INO80D: variants seen among roughly 807,000 people sequenced by gnomAD.
INO80D encodes INO80 complex subunit D.
Under a neutral mutation model 87.6 loss-of-function variants are expected in INO80D, and 21 were observed. That is an observed-to-expected ratio of 0.24 (90% CI 0.17 to 0.35). The LOEUF is 0.35. Ranked by LOEUF, INO80D falls within the 10% of genes least tolerant of loss-of-function variation. The pLI is 1.00. For missense variants in INO80D, 982 were observed against 1,280.7 expected, an observed-to-expected ratio of 0.77 and a Z score of 3.56; for synonymous variants, 440 against 491.0, an observed-to-expected ratio of 0.90 and a Z score of 1.37.
Position 206,062,757 on chromosome 2 carries a change from T to G in INO80D, c.218+42A>C. On this transcript the variant is annotated intron_variant, in intron 3 of 10. Coordinates refer to ENST00000403263, the MANE Select transcript of INO80D (RefSeq NM_017759.5). The surrounding 1 kb of genome is among the most constrained non-coding windows in gnomAD (Gnocchi z 4.6). ...ACAAGAAAAGAAAAAATTCCAAGCC[T>G]GTTAATGAAATCAAGGATTGATTCT... The G allele has an allele frequency of 6.6e-7, 1 of 1,512,150 alleles. No individual in the cohort carries two copies. The highest frequency in any genetic ancestry group is 8.9e-7 in the Non-Finnish European group (1 of 1,117,512). 93.7% of individuals were successfully genotyped at this position (1,512,150 alleles called of 1,614,324 possible).
Position 205,993,794 on chromosome 2 carries a change from AATAC to A in INO80D, c.*10570_*10573del, listed in dbSNP as rs980765587. 2.6e-5 allele frequency: 4 copies of A among 152,192 alleles called. No individual in the cohort carries two copies. Among genetic ancestry groups the A allele is most frequent in the African/African-American group, 7.2e-5 (3 of 41,456 alleles). 9.4% of individuals were successfully genotyped at this position (152,192 alleles called of 1,614,324 possible). A position where few individuals can be genotyped will look rare whatever the true frequency, so the allele number is the denominator to read the frequency against. On this transcript the variant is annotated 3_prime_UTR_variant, in exon 11 of 11. Coordinates refer to ENST00000403263, the MANE Select transcript of INO80D (RefSeq NM_017759.5). ...TGATTTTGTCACACTATATACAGATAATACATACAGTGTTTCATACACATATTAC... is the reference window on the plus strand; with the variant it reads ...TGATTTTGTCACACTATATACAGATAATACAGTGTTTCATACACATATTAC...
intron 3 of INO80D, among the ~76,000 whole-genome samples, chr2:206,060,591 G>A (rs970179576): frequency 1.4e-5 from 2 of 146,572 alleles, no homozygotes; most frequent in African/African-American, 5.0e-5. Flanking sequence ...ACGGAGTTTC[G>A]CTCTTGTTGC....
intron 1 of INO80D, among the ~76,000 whole-genome samples, chr2:206,084,074 CTTT>C (rs543296877): frequency 4.9e-5 from 7 of 143,544 alleles, no homozygotes; most frequent in African/African-American, 1.5e-4. Context: ...ATGTTTATCA[CTTT>C]TTTTTTTTTT....
intron 6 of INO80D, among the ~76,000 whole-genome samples, chr2:206,024,704 T>A (rs1012853070): frequency 2.0e-5 from 3 of 152,162 alleles, no homozygotes; most frequent in African/African-American, 7.2e-5. Context: ...ATAAGTAATA[T>A]GACCAACAGC....
In INO80D at chr2:206,006,640, G is replaced by A. The variant is rs531444561; in HGVS notation, c.1918+644C>T. On this transcript the variant is annotated intron_variant, in intron 10 of 10. Coordinates refer to ENST00000403263, the MANE Select transcript of INO80D (RefSeq NM_017759.5). ...AGAGGTTGCAATGAGCCAAAATGGCGCCACTACATTCCAGTCTGAGCGACA... is the reference window on the plus strand; with the variant it reads ...AGAGGTTGCAATGAGCCAAAATGGCACCACTACATTCCAGTCTGAGCGACA... Among the ~76,000 whole-genome samples, 214 of 146,668 alleles carry A rather than the reference G, an allele frequency of 1.5e-3. 1 individual carries two copies. Among genetic ancestry groups the A allele is most frequent in the African/African-American group, 5.2e-3 (204 of 39,388 alleles).
intron 1 of INO80D, among the ~76,000 whole-genome samples, chr2:206,078,061 CAAAAAAAAAAAAAAA>C (rs71410859): frequency 1.3e-4 from 8 of 63,058 alleles, no homozygotes; most frequent in East Asian, 6.6e-4. Context: ...GCAATGTTTA[CAAAAAAAAAAAAAAA>C]AAAAAAAAAA....
chr2:206,071,291 T>G (rs1689964707), intron 1 of INO80D, among the ~76,000 whole-genome samples: 1 of 31,232 alleles, frequency 3.2e-5, no homozygotes, highest in African/African-American at 2.6e-4. Context: ...TTTTTTTTTT[T>G]TTTTTTTTTT....
intron 10 of INO80D, among the ~76,000 whole-genome samples, chr2:206,005,796 T>C (rs1038491329): frequency 6.6e-6 from 1 of 152,188 alleles, no homozygotes; most frequent in African/African-American, 2.4e-5. Flanking sequence ...ATCAAAGTAC[T>C]AAATTCTTAG....
rs920539223 is a variant in INO80D at position 206,000,093 on chromosome 2, A to G, written c.*4275T>C. On this transcript the variant is annotated 3_prime_UTR_variant, in exon 11 of 11. Transcript: ENST00000403263. Reference sequence around the variant, plus strand: ...GTATGATGAAATTTTCTTTCAAGGAATCCTCTAAATTGCCTCATTAAACTG... The same window carrying G: ...GTATGATGAAATTTTCTTTCAAGGAGTCCTCTAAATTGCCTCATTAAACTG... The G allele has an allele frequency of 3.3e-5, 5 of 152,164 alleles. No individual in the cohort carries two copies. The highest frequency in any genetic ancestry group is 2.6e-4 in the Admixed American group (4 of 15,266). 9.4% of individuals were successfully genotyped at this position (152,164 alleles called of 1,614,324 possible). A position where few individuals can be genotyped will look rare whatever the true frequency, so the allele number is the denominator to read the frequency against.
At position 206,019,844 on chromosome 2, in the gene INO80D, T is replaced by A. The variant is rs770510485; in HGVS notation, c.1300A>T (p.Ile434Leu). The A allele has an allele frequency of 1.6e-5, 25 of 1,612,526 alleles. No individual in the cohort carries two copies. Among genetic ancestry groups the A allele is most frequent in the Non-Finnish European group, 2.0e-5 (24 of 1,179,334 alleles). The change falls in exon 7 of 11, where the codon ATA becomes TTA. Residue 434 changes from isoleucine (I) to leucine (L), a missense_variant and splice_region_variant. Ile to Leu is a conservative substitution (Grantham distance 5, BLOSUM62 2). Transcript: ENST00000403263. Reference sequence around the variant, plus strand: ...ACCTCCCTCAGCTTGGTCCGGCTTATGCTAAGGAAAGAAAAACAGAGAATT... The same window carrying A: ...ACCTCCCTCAGCTTGGTCCGGCTTAAGCTAAGGAAAGAAAAACAGAGAATT... ...LRRAACSRTS[I>L]SRTKLREVEP...
chr2:206,042,754 G>A (rs1293208989), intron 5 of INO80D, among the ~76,000 whole-genome samples: 1 of 151,264 alleles, frequency 6.6e-6, no homozygotes, highest in East Asian at 2.0e-4. Context: ...GAAGGTCAAC[G>A]CAGGAGGACT....
At chr2:206,024,230 T>A (rs1688541914) in intron 6 of INO80D, among the ~76,000 whole-genome samples, 1 of 152,162 alleles carries the variant, frequency 6.6e-6, no homozygotes, top group African/African-American at 2.4e-5. Flanking sequence ...TACTGGAGAT[T>A]TAGGAACAAA....
intron 4 of INO80D, among the ~76,000 whole-genome samples, chr2:206,052,032 T>G (rs1689383540): frequency 6.6e-6 from 1 of 152,222 alleles, no homozygotes; most frequent in Non-Finnish European, 1.5e-5. Context: ...TTATTTATTT[T>G]TATTAAATCG....
At chr2:206,013,916 T>C (rs1688247407) in intron 8 of INO80D, among the ~76,000 whole-genome samples, 1 of 151,140 alleles carries the variant, frequency 6.6e-6, no homozygotes, top group African/African-American at 2.4e-5. Flanking sequence ...CCCAGCACTT[T>C]GGGAGACCAA....
chr2:206,036,769 C>G (rs538342855), intron 5 of INO80D, among the ~76,000 whole-genome samples: 1 of 152,170 alleles, frequency 6.6e-6, no homozygotes, highest in Non-Finnish European at 1.5e-5. Flanking sequence ...ATCAGTGCTT[C>G]TCAAGTTAAG....
chr2:206,054,328 A>G (rs1384901763), intron 4 of INO80D, among the ~76,000 whole-genome samples: 3 of 151,602 alleles, frequency 2.0e-5, no homozygotes, highest in Non-Finnish European at 4.4e-5. Flanking sequence ...AGCCTGCTAC[A>G]TAATATTTCA....
chr2:206,009,564 T>A lies in INO80D; in HGVS notation c.1760+13A>T, dbSNP rs1351609214. 2 of 1,586,762 alleles carry A rather than the reference T, an allele frequency of 1.3e-6. No individual in the cohort carries two copies. The highest frequency in any genetic ancestry group is 3.7e-5 in the Admixed American group (2 of 53,356). ...AATGTAAAGAAAAATTAGGTGCCAG[T>A]GGCACCACTGACCGGATGTGAGAGG... On this transcript the variant is annotated intron_variant, in intron 9 of 10. Coordinates refer to ENST00000403263, the MANE Select transcript of INO80D (RefSeq NM_017759.5).
rs551293137 is a variant in INO80D, at chr2:206,015,951, C to A, written c.1542+1729G>T. On this transcript the variant is annotated intron_variant, in intron 8 of 10. Coordinates refer to ENST00000403263, the MANE Select transcript of INO80D (RefSeq NM_017759.5). ...CAGAAGTTTGCTGTAGGAGTGGGGC[C>A]CTCCAGGGGAACCTCTGCTAGAATA... Among the ~76,000 whole-genome samples, 9 of 152,192 alleles carry A rather than the reference C, an allele frequency of 5.9e-5. No homozygotes were observed. In the South Asian group the frequency reaches 1.9e-3, roughly 32 times the overall value.
intron 1 of INO80D, among the ~76,000 whole-genome samples, chr2:206,084,236 T>TACACAC (rs1235585765): frequency 9.7e-6 from 1 of 103,554 alleles, no homozygotes; most frequent in African/African-American, 3.8e-5. Context: ...TTAAATGTTA[T>TACACAC]ACATACACAC....
Sources: gnomAD v4.1 joint callset for allele counts (sites outside exome capture counted in the v4.1 genomes callset) on GRCh38, gnomAD v4.1.1 for gene constraint, Gnocchi (gnomAD v3.1) non-coding constraint, MANE v1.5 for transcripts, NCBI Gene and HGNC (gene_info 2026-07-23, HGNC 2026-07-21) for gene names.